The following XPOT variants were observed in gnomAD, a reference collection of about 807,000 sequenced individuals.
The protein encoded by XPOT is exportin for tRNA.
In XPOT, 34 loss-of-function variants were observed where a neutral mutation model predicts 128.2. That is an observed-to-expected ratio of 0.27 (90% CI 0.20 to 0.35). XPOT has a LOEUF of 0.35. XPOT is among the 10% of genes least tolerant of loss of function. The pLI is 1.00. For missense variants in XPOT, 838 were observed against 1,125.3 expected (o/e 0.74, Z 3.65); for synonymous variants, 348 against 394.3 (o/e 0.88, Z 1.39).
chr12:64,405,976 A>G (rs139154061), intron 1 of XPOT, among the ~76,000 whole-genome samples: 6 of 152,016 alleles, frequency 3.9e-5, no homozygotes, highest in Middle Eastern at 3.4e-3. Context: ...TGTAGTGACA[A>G]CTGTTAACTA....
At position 64,430,405 on chromosome 12, in the gene XPOT, ATCT is replaced by A. The variant is rs2040229156; in HGVS notation, c.1976+120_1976+122del. 9.3e-6 allele frequency: 8 copies of A among 856,676 alleles called. No homozygotes were observed. In the South Asian group the frequency reaches 1.6e-4, roughly 17 times the overall value. 53.1% of individuals were successfully genotyped at this position (856,676 alleles called of 1,614,324 possible). A position where few individuals can be genotyped will look rare whatever the true frequency, so the allele number is the denominator to read the frequency against. ...TTGGATAATCCAGAGAATTGTCTAA[ATCT>A]TTGTCCTCCAAATCCAGTCAGTTAG... On this transcript the variant is annotated intron_variant, in intron 17 of 24. Coordinates refer to ENST00000332707, the MANE Select transcript of XPOT (RefSeq NM_007235.6).
chr12:64,420,002 A>C, intron 6 of XPOT, 68 bp from the exon 7 acceptor site: 1 of 1,414,346 alleles, frequency 7.1e-7, no homozygotes, highest in Non-Finnish European at 9.5e-7. Flanking sequence ...ACTCTCTGCA[A>C]GTATATTCAG....
At chr12:64,426,000 G>A in intron 15 of XPOT, 91 bp downstream of exon 15, 1 of 1,176,820 alleles carries the variant, frequency 8.5e-7, no homozygotes. Context: ...ATCAACCTAG[G>A]TGCCCATCAG....
At chr12:64,418,805 A>C in intron 5 of XPOT, 71 bp from the exon 6 acceptor site, 2 of 1,441,820 alleles carry the variant, frequency 1.4e-6, no homozygotes, top group Non-Finnish European at 9.5e-7. Context: ...TTGCCTTTTA[A>C]TAAGACAACT....
intron 22 of XPOT, 97 bp from the exon 23 acceptor site, chr12:64,439,147 C>A: frequency 8.5e-7 from 1 of 1,180,888 alleles, no homozygotes. Context: ...AAGCACAATA[C>A]TATATTGCCT....
intron 17 of XPOT, among the ~76,000 whole-genome samples, chr12:64,430,557 T>G (rs61504973): frequency 6.6e-6 from 1 of 151,822 alleles, no homozygotes; most frequent in Admixed American, 6.6e-5. Context: ...TCAGCTGAAG[T>G]GTTAATATAC....
chr12:64,420,241 A>G lies in XPOT; in HGVS notation c.661A>G (p.Ile221Val), dbSNP rs1459031904. The stretch of plus-strand genomic sequence containing the variant: ...TGTCTCTTGGATAGACTTATCCCTT[A>G]TAGCCAATGATAGGTAAGTATGCCT... ...AYVSWIDLSL[I>V]ANDRFINMLL... The change falls in exon 7 of 25, where the codon ATA (isoleucine) becomes GTA (valine). Residue 221 changes from isoleucine to valine, a missense_variant. Transcript: ENST00000332707. 6.3e-7 allele frequency: 1 copy of G among 1,595,774 alleles called. No individual in the cohort carries two copies. The highest frequency in any genetic ancestry group is 2.2e-5 in the East Asian group (1 of 44,790).
intron 16 of XPOT, among the ~76,000 whole-genome samples, chr12:64,429,679 G>T (rs1349361235): frequency 6.6e-6 from 1 of 152,118 alleles, no homozygotes; most frequent in African/African-American, 2.4e-5. Flanking sequence ...GACCTCAAGT[G>T]ATCTGCCGGC....
chr12:64,433,309 G>T (rs939906576), intron 18 of XPOT, 105 bp from the exon 19 acceptor site: 4 of 1,025,764 alleles, frequency 3.9e-6, no homozygotes, highest in East Asian at 2.6e-5. Flanking sequence ...AATTATGTAC[G>T]CATGCATCCT....
At chr12:64,417,956 T>C (rs2040102924) in intron 4 of XPOT, 90 bp from the exon 5 acceptor site, 1 of 970,950 alleles carries the variant, frequency 1.0e-6, no homozygotes, top group African/African-American at 1.7e-5. Flanking sequence ...GCTATACAAA[T>C]TTTCCCTTTC....
chr12:64,429,243 G>A (rs894452310), intron 16 of XPOT, among the ~76,000 whole-genome samples: 1 of 152,260 alleles, frequency 6.6e-6, no homozygotes, highest in Middle Eastern at 3.4e-3. Context: ...TTCAGAGAGA[G>A]ACCAATTTGC....
At chr12:64,406,751 C>T (rs1017201313) in intron 1 of XPOT, among the ~76,000 whole-genome samples, 1 of 152,092 alleles carries the variant, frequency 6.6e-6, no homozygotes, top group Non-Finnish European at 1.5e-5. Flanking sequence ...CTTAGAAACT[C>T]CGAAATCGTT....
At chr12:64,423,815 A>G (rs994225434) in intron 11 of XPOT, among the ~76,000 whole-genome samples, 2 of 152,202 alleles carry the variant, frequency 1.3e-5, no homozygotes, top group African/African-American at 4.8e-5. Context: ...TGATAATATT[A>G]TTGGTGATCA....
intron 1 of XPOT, among the ~76,000 whole-genome samples, chr12:64,407,483 C>CAAA (rs534365929): frequency 0.01 from 1,059 of 104,356 alleles, 17 homozygotes; most frequent in African/African-American, 0.034. Context: ...GAGACTGTCT[C>CAAA]AAAAAAAAAA....
At chr12:64,410,156 T>A in intron 2 of XPOT, 61 bp downstream of exon 2, 5 of 1,498,096 alleles carry the variant, frequency 3.3e-6, no homozygotes, top group Non-Finnish European at 4.6e-6. Context: ...TTAGAGGACT[T>A]GAATAAAAAT....
intron 23 of XPOT, among the ~76,000 whole-genome samples, chr12:64,440,741 A>G (rs1192048846): frequency 3.9e-5 from 6 of 152,082 alleles, no homozygotes; most frequent in Non-Finnish European, 7.4e-5. Flanking sequence ...ACACCTGTTA[A>G]CCATTTGTAT....
At position 64,420,534 on chromosome 12, in the gene XPOT, A is replaced by C; in HGVS notation, c.843+13A>C. 1 of 1,595,634 alleles carries C rather than the reference A, an allele frequency of 6.3e-7. No individual in the cohort carries two copies. The highest frequency in any genetic ancestry group is 8.5e-7 in the Non-Finnish European group (1 of 1,170,516). On this transcript the variant is annotated intron_variant, in intron 8 of 24. Coordinates refer to ENST00000332707, the MANE Select transcript of XPOT (RefSeq NM_007235.6). ...CAGCATTGACCAGGTTGGTAAATTT[A>C]TATAAAACATTGTATGTAAAGTTGT...
At chr12:64,428,808 A>C (rs1431328122) in intron 16 of XPOT, among the ~76,000 whole-genome samples, 1 of 152,264 alleles carries the variant, frequency 6.6e-6, no homozygotes, top group African/African-American at 2.4e-5. Context: ...TTTACACAAT[A>C]AAATAGGCAA....
chr12:64,406,055 G>T (rs1264618640), intron 1 of XPOT, among the ~76,000 whole-genome samples: 1 of 152,160 alleles, frequency 6.6e-6, no homozygotes, highest in Non-Finnish European at 1.5e-5. Context: ...GATAGCTTCA[G>T]AGTGACTTGA....
Sources: gnomAD v4.1 joint callset for allele counts (sites outside exome capture counted in the v4.1 genomes callset) on GRCh38, gnomAD v4.1.1 for gene constraint, MANE v1.5 for transcripts, NCBI Gene and HGNC (gene_info 2026-07-23, HGNC 2026-07-21) for gene names.